Variants in EXO5 observed in about 807,000 individuals in gnomAD.
EXO5 encodes the protein exonuclease V.
In EXO5, 11 loss-of-function variants were observed where a neutral mutation model predicts 17.8. That is an observed-to-expected ratio of 0.62 (90% confidence interval 0.39 to 1.02). The LOEUF is 1.02. Among genes scored for constraint, EXO5 ranks in the 50% least tolerant of loss-of-function variants. The probability of loss-of-function intolerance (pLI) is 0.00; values close to 1 mark genes in which losing one functional copy is unlikely to be tolerated. For synonymous variants in EXO5, 147 were observed against 166.5 expected (o/e 0.88, Z 0.90); for missense variants, 364 against 434.8 (o/e 0.84, Z 1.45).
chr1:40,513,538 C>G (rs1335025294), intron 3 of EXO5, among the ~76,000 whole-genome samples: 3 of 151,540 alleles, frequency 2.0e-5, no homozygotes, highest in African/African-American at 4.8e-5. Context: ...AATACTCTTT[C>G]AAGTCAATAG....
At chr1:40,511,015 C>T (rs778847165) in intron 3 of EXO5, among the ~76,000 whole-genome samples, 4 of 152,054 alleles carry the variant, frequency 2.6e-5, no homozygotes, top group Non-Finnish European at 4.4e-5. Flanking sequence ...GCGGGTGCAT[C>T]ACGAGGTCAG....
chr1:40,513,085 T>C (rs1324419979), intron 3 of EXO5, among the ~76,000 whole-genome samples: 2 of 152,216 alleles, frequency 1.3e-5, no homozygotes, highest in African/African-American at 2.4e-5. Flanking sequence ...TTTTGAGTTT[T>C]TAATAATGCT....
chr1:40,515,570 G>C lies in EXO5; in HGVS notation c.1026G>C (p.Lys342Asn), dbSNP rs984042917. The C allele has an allele frequency of 6.2e-6, 10 of 1,613,276 alleles. No individual in the cohort carries two copies. The highest frequency in any genetic ancestry group is 6.8e-6 in the Non-Finnish European group (8 of 1,179,842). ...PQGVDVEEAWKCRTCTYADIC... is the reference protein window; with the variant it reads ...PQGVDVEEAWNCRTCTYADIC... ...GAGTTGACGTGGAGGAGGCTTGGAA[G>C]TGCCGGACGTGTACCTATGCAGACA... The change falls in exon 4 of 4, where the codon AAG (lysine) becomes AAC (asparagine). Residue 342 changes from lysine to asparagine, a missense_variant. By Grantham distance (94) the Lys-to-Asn change is moderately conservative. Coordinates refer to ENST00000415550, the MANE Select transcript of EXO5 (RefSeq NM_001346953.2).
In EXO5 at chr1:40,514,659, G is replaced by A. The variant is rs373218757; in HGVS notation, c.115G>A (p.Ala39Thr). ...LDLEDAQESK[A>T]LVNMPGPSSE... is the part of the protein sequence containing the mutation. Reference sequence around the variant, plus strand: ...CCTAGAAGATGCCCAAGAGTCAAAGGCTTTAGTTAACATGCCTGGCCCATC... The same window carrying A: ...CCTAGAAGATGCCCAAGAGTCAAAGACTTTAGTTAACATGCCTGGCCCATC... The change falls in exon 4 of 4, where the codon GCT becomes ACT. Residue 39 changes from alanine (A) to threonine (T), a missense_variant. Ala to Thr is a moderately conservative substitution (Grantham distance 58). Coordinates refer to ENST00000415550, the MANE Select transcript of EXO5 (RefSeq NM_001346953.2). 1 of 1,614,030 alleles carries A rather than the reference G, an allele frequency of 6.2e-7. No homozygotes were observed. Among genetic ancestry groups the A allele is most frequent in the Non-Finnish European group, 8.5e-7 (1 of 1,180,042 alleles).
intron 3 of EXO5, among the ~76,000 whole-genome samples, chr1:40,511,166 C>T (rs1275158011): frequency 6.6e-6 from 1 of 152,148 alleles, no homozygotes. Flanking sequence ...ACCCGGGAGG[C>T]AGAGCTTGCA....
intron 3 of EXO5, among the ~76,000 whole-genome samples, chr1:40,513,711 C>A (rs1333100389): frequency 6.6e-6 from 1 of 151,630 alleles, no homozygotes; most frequent in Admixed American, 6.6e-5. Flanking sequence ...GCCTCAGCCT[C>A]CTGAGTAGCT....
intron 3 of EXO5, among the ~76,000 whole-genome samples, chr1:40,511,286 C>T (rs1645773203): frequency 6.6e-6 from 1 of 152,012 alleles, no homozygotes; most frequent in African/African-American, 2.4e-5. Flanking sequence ...ACTTTAGTTT[C>T]TTGGTGAAGG....
chr1:40,509,087 T>G (rs1439990023), intron 1 of EXO5, 179 bp downstream of exon 1: 1 of 152,248 alleles, frequency 6.6e-6, no homozygotes, highest in Non-Finnish European at 1.5e-5. Flanking sequence ...ACAGTGCTGT[T>G]GGCCGGGACT....
chr1:40,515,602 A>C lies in EXO5; in HGVS notation c.1058A>C (p.Glu353Ala), dbSNP rs1557592451. The C allele has an allele frequency of 6.2e-7, 1 of 1,613,490 alleles. No individual in the cohort carries two copies. The highest frequency in any genetic ancestry group is 1.7e-5 in the Admixed American group (1 of 59,904). ...ACGTGTACCTATGCAGACATTTGTG[A>C]GTGGAGAAAGGGCAGTGGAGTGCTC... The part of the protein sequence containing the change: ...CRTCTYADIC[E>A]WRKGSGVLSS... The change falls in exon 4 of 4, where the codon GAG (glutamate) becomes GCG (alanine). Residue 353 changes from glutamate (E) to alanine (A), a missense_variant. By Grantham distance (107) the Glu-to-Ala change is moderately radical. Transcript: ENST00000415550.
chr1:40,509,409 C>T (rs993723704), intron 1 of EXO5, 42 bp from the exon 2 acceptor site: 33 of 152,428 alleles, frequency 2.2e-4, no homozygotes, highest in African/African-American at 6.0e-4. Context: ...GATCTCGGAG[C>T]TCCTTGGGGA....
Position 40,515,696 on chromosome 1 carries a change from C to A in EXO5, c.*30C>A. The A allele has an allele frequency of 2.5e-6, 4 of 1,581,444 alleles. No homozygotes were observed. The highest frequency in any genetic ancestry group is 3.4e-6 in the Non-Finnish European group (4 of 1,163,790). Reference sequence around the variant, plus strand: ...AAGGTATGCTTTCAAGAATGTTGATCCTTCCTGCTCCTGTTGTACCTAAGC... The same window carrying A: ...AAGGTATGCTTTCAAGAATGTTGATACTTCCTGCTCCTGTTGTACCTAAGC... On this transcript the variant is annotated 3_prime_UTR_variant, in exon 4 of 4. Transcript: ENST00000415550.
At position 40,515,382 on chromosome 1, in the gene EXO5, A is replaced by G; in HGVS notation, c.838A>G (p.Thr280Ala). 1 of 1,613,994 alleles carries G rather than the reference A, an allele frequency of 6.2e-7. No homozygotes were observed. Residue 280 changes from threonine to alanine, a missense_variant, in exon 4 of 4, where the codon ACA becomes GCA. Coordinates refer to ENST00000415550, the MANE Select transcript of EXO5 (RefSeq NM_001346953.2). ...DLMELVFLSLTLSDLPVIDIL... is the reference protein window; with the variant it reads ...DLMELVFLSLALSDLPVIDIL... ...CATGGAACTTGTCTTCTTGTCTCTA[A>G]CACTGTCAGACCTCCCAGTTATTGA...
intron 3 of EXO5, 162 bp from the exon 4 acceptor site, chr1:40,514,338 GCAATACATACCTGGA>G: frequency 1.9e-6 from 1 of 517,638 alleles, no homozygotes; most frequent in Non-Finnish European, 3.4e-6. Flanking sequence ...GAGCCCTATA[GCAATACATACCTGGA>G]CTATAACTCA....
intron 3 of EXO5, among the ~76,000 whole-genome samples, chr1:40,514,235 G>A (rs576707165): frequency 4.0e-4 from 61 of 151,362 alleles, no homozygotes; most frequent in African/African-American, 1.3e-3. Flanking sequence ...AGCCGAGATC[G>A]CGCAACTGCA....
Position 40,515,156 on chromosome 1 carries a change from G to C in EXO5, c.612G>C (p.Met204Ile), listed in dbSNP as rs1318634680. The C allele has an allele frequency of 2.5e-6, 4 of 1,614,120 alleles. No individual in the cohort carries two copies. The highest frequency in any genetic ancestry group is 1.1e-5 in the South Asian group (1 of 91,078). Residue 204 changes from methionine to isoleucine, a missense_variant, in exon 4 of 4, where the codon ATG (methionine) becomes ATC (isoleucine). Physicochemically the swap from Met to Ile is conservative, Grantham distance 10. Coordinates refer to ENST00000415550, the MANE Select transcript of EXO5 (RefSeq NM_001346953.2). ...LAELKTRRRP[M>I]LPLEAQKKKD... ...AACTCAAGACACGCAGGCGCCCTAT[G>C]CTCCCTCTGGAAGCTCAGAAGAAGA...
In EXO5 at chr1:40,515,553, G is replaced by A. The variant is rs998047071; in HGVS notation, c.1009G>A (p.Val337Met). Residue 337 changes from valine to methionine, a missense_variant, in exon 4 of 4, where the codon GTG becomes ATG. Coordinates refer to ENST00000415550, the MANE Select transcript of EXO5 (RefSeq NM_001346953.2). The stretch of plus-strand genomic sequence containing the variant: ...CCACCGAGAGCCCCAGGGAGTTGAC[G>A]TGGAGGAGGCTTGGAAGTGCCGGAC... ...MGHREPQGVDVEEAWKCRTCT... is the reference protein window; with the variant it reads ...MGHREPQGVDMEEAWKCRTCT... The A allele has an allele frequency of 2.5e-6, 4 of 1,613,608 alleles. No individual in the cohort carries two copies. Among genetic ancestry groups the A allele is most frequent in the Non-Finnish European group, 2.5e-6 (3 of 1,179,940 alleles).
In EXO5 at chr1:40,513,503, G is replaced by T. The variant is rs1645818885; in HGVS notation, c.-30-1012G>T. On this transcript the variant is annotated intron_variant, in intron 3 of 3. Transcript: ENST00000415550. ...CAAACATTGTTCCTACATTTACAAA[G>T]ATGTATATTCACTTAAAATAATGAA... Among the ~76,000 whole-genome samples the T allele has an allele frequency of 2.0e-5, 3 of 151,994 alleles. No homozygotes were observed. In the South Asian group the frequency reaches 6.2e-4, roughly 32 times the overall value.
At position 40,515,695 on chromosome 1, in the gene EXO5, T is replaced by C; in HGVS notation, c.*29T>C. The C allele has an allele frequency of 1.9e-6, 3 of 1,581,412 alleles. No individual in the cohort carries two copies. Among genetic ancestry groups the C allele is most frequent in the South Asian group, 1.2e-5 (1 of 86,726 alleles). ...GAAGGTATGCTTTCAAGAATGTTGA[T>C]CCTTCCTGCTCCTGTTGTACCTAAG... On this transcript the variant is annotated 3_prime_UTR_variant, in exon 4 of 4. Coordinates refer to ENST00000415550, the MANE Select transcript of EXO5 (RefSeq NM_001346953.2).
chr1:40,512,747 G>C (rs1430263206), intron 3 of EXO5, among the ~76,000 whole-genome samples: 2 of 152,042 alleles, frequency 1.3e-5, no homozygotes, highest in Non-Finnish European at 2.9e-5. Context: ...GATTACAGGT[G>C]CCCGCCACCA....
Sources: allele counts gnomAD v4.1 joint callset (sites outside exome capture counted in the v4.1 genomes callset), GRCh38; gene constraint gnomAD v4.1.1; transcripts MANE v1.5; gene names NCBI Gene and HGNC (gene_info 2026-07-23, HGNC 2026-07-21).